Variants in RANBP2 observed in about 807,000 individuals in gnomAD.
RANBP2 encodes the protein E3 SUMO-protein ligase RanBP2.
Under a neutral mutation model 303.6 loss-of-function variants are expected in RANBP2, and 57 were observed. That is an observed-to-expected ratio of 0.19 (90% CI 0.15 to 0.23). RANBP2 has a LOEUF of 0.23. Among genes scored for constraint, RANBP2 ranks in the 10% least tolerant of loss-of-function variants. RANBP2 has a pLI of 1.00. For synonymous variants in RANBP2, 1,167 were observed against 1,301.5 expected (o/e 0.90, Z 2.23); for missense variants, 3,138 against 3,780.8 (o/e 0.83, Z 4.46).
At chr2:109,661,609 G>A in the RANBP2 span, among the ~76,000 whole-genome samples, 2 of 152,110 alleles carry the variant, frequency 1.3e-5, no homozygotes, top group Non-Finnish European at 2.9e-5. Flanking sequence ...TTCCACTGTG[G>A]AGATCAGTCA....
the RANBP2 span, among the ~76,000 whole-genome samples, chr2:109,243,957 T>C: frequency 6.6e-6 from 1 of 152,204 alleles, no homozygotes; most frequent in African/African-American, 2.4e-5. Context: ...CCATGGGCAC[T>C]TGGTGGTTCT....
chr2:109,236,701 G>A, the RANBP2 span, among the ~76,000 whole-genome samples: 1 of 152,168 alleles, frequency 6.6e-6, no homozygotes, highest in African/African-American at 2.4e-5. Flanking sequence ...AATCCCAGGT[G>A]ACACTGCCCC....
At chr2:109,078,512 G>A in the RANBP2 span, among the ~76,000 whole-genome samples, 1 of 148,940 alleles carries the variant, frequency 6.7e-6, no homozygotes, top group African/African-American at 2.4e-5. Flanking sequence ...GGTGAGGTGA[G>A]GTGGGATGGG....
intron 19 of RANBP2, among the ~76,000 whole-genome samples, chr2:108,762,798 C>CCATCAT (rs112880794): frequency 1.7e-3 from 250 of 151,286 alleles, no homozygotes; most frequent in South Asian, 2.5e-3. Context: ...ATAAATGTTA[C>CCATCAT]CATCATCATC....
At chr2:109,488,901 A>G in the RANBP2 span, among the ~76,000 whole-genome samples, 2 of 152,234 alleles carry the variant, frequency 1.3e-5, no homozygotes, top group East Asian at 1.9e-4. Flanking sequence ...CAAGCCCAGT[A>G]GCGGAGTCAG....
the RANBP2 span, chr2:109,585,257 A>G: frequency 1.2e-6 from 2 of 1,613,228 alleles, no homozygotes; most frequent in African/African-American, 2.7e-5. Flanking sequence ...GTGAGGATTC[A>G]TAGTCTTCAA....
the RANBP2 span, among the ~76,000 whole-genome samples, chr2:109,284,143 C>T: frequency 6.6e-6 from 1 of 152,284 alleles, no homozygotes; most frequent in Middle Eastern, 3.4e-3. Context: ...GTACTCAGCC[C>T]AGGGTCTTAC....
chr2:108,781,117 G>A (rs1014507783), intron 25 of RANBP2, 152 bp from the exon 26 acceptor site: 26 of 895,700 alleles, frequency 2.9e-5, no homozygotes, highest in East Asian at 1.7e-4. Context: ...GATTACAGGC[G>A]TGAGGAATTT....
the RANBP2 span, among the ~76,000 whole-genome samples, chr2:109,336,567 G>GATCA: frequency 6.6e-5 from 10 of 152,232 alleles, no homozygotes; most frequent in Non-Finnish European, 1.2e-4. Flanking sequence ...AAGGGAGGAG[G>GATCA]ATGATGCCAG....
At chr2:108,798,586 G>C in the RANBP2 span, 6 of 1,597,898 alleles carry the variant, frequency 3.8e-6, no homozygotes, top group Non-Finnish European at 5.1e-6. Context: ...TTATAAAAGA[G>C]GTAACTATAT....
At chr2:109,036,762 C>CTT in the RANBP2 span, among the ~76,000 whole-genome samples, 1 of 152,142 alleles carries the variant, frequency 6.6e-6, no homozygotes. Context: ...AGTCCCAACA[C>CTT]TTTGAGAGGC....
chr2:109,551,899 T>C, the RANBP2 span, among the ~76,000 whole-genome samples: 5 of 152,202 alleles, frequency 3.3e-5, no homozygotes, highest in Admixed American at 6.5e-5. Context: ...AGTGATTTTT[T>C]TGGTGCCAGG....
chr2:108,852,856 C>T, the RANBP2 span, among the ~76,000 whole-genome samples: 2 of 152,058 alleles, frequency 1.3e-5, no homozygotes, highest in Non-Finnish European at 2.9e-5. Context: ...CACAAGTGTA[C>T]CTGTGTAACA....
the RANBP2 span, among the ~76,000 whole-genome samples, chr2:109,470,011 T>C: frequency 6.6e-6 from 1 of 152,176 alleles, no homozygotes; most frequent in Non-Finnish European, 1.5e-5. Context: ...AGTTACTTAG[T>C]GTTGATCATT....
At chr2:109,271,621 G>A in the RANBP2 span, among the ~76,000 whole-genome samples, 1 of 152,204 alleles carries the variant, frequency 6.6e-6, no homozygotes, top group Non-Finnish European at 1.5e-5. Context: ...ATGGGGTGAG[G>A]CCCCGTGTGG....
chr2:109,104,069 C>T, the RANBP2 span, among the ~76,000 whole-genome samples: 1 of 152,214 alleles, frequency 6.6e-6, no homozygotes, highest in African/African-American at 2.4e-5. Flanking sequence ...GCTGAGATTA[C>T]AGGCATGAGC....
chr2:108,924,350 C>T, the RANBP2 span, among the ~76,000 whole-genome samples: 2 of 152,200 alleles, frequency 1.3e-5, no homozygotes, highest in Non-Finnish European at 2.9e-5. Flanking sequence ...GCTCCCAGCT[C>T]GGGCGCCTTC....
the RANBP2 span, among the ~76,000 whole-genome samples, chr2:109,374,289 T>C: frequency 4.6e-5 from 7 of 152,256 alleles, no homozygotes; most frequent in Admixed American, 2.6e-4. Flanking sequence ...CATGCAGTAC[T>C]GGGCTCCACG....
chr2:108,786,462 ATG>A (rs1678734715), downstream of RANBP2, among the ~76,000 whole-genome samples: 1 of 152,106 alleles, frequency 6.6e-6, no homozygotes, highest in Admixed American at 6.5e-5. Context: ...CGACCGGTCT[ATG>A]TGGTGAGCGC....
Sources: allele counts gnomAD v4.1 joint callset (sites outside exome capture counted in the v4.1 genomes callset), GRCh38; gene constraint gnomAD v4.1.1; transcripts MANE v1.5; gene names NCBI Gene and HGNC (gene_info 2026-07-23, HGNC 2026-07-21).